The following SDHB variants were observed in gnomAD, a reference collection of about 807,000 sequenced individuals.
SDHB encodes the protein succinate dehydrogenase complex iron sulfur subunit B.
In SDHB, 21 loss-of-function variants were observed where a neutral mutation model predicts 39.7. The observed-to-expected ratio is 0.53, with a 90% CI of 0.37 to 0.76. The LOEUF (loss-of-function observed/expected upper bound fraction) is 0.76. Among genes scored for constraint, SDHB ranks in the 30% least tolerant of loss-of-function variants. The pLI is 0.00. For missense variants in SDHB, 343 were observed against 350.9 expected (o/e 0.98, Z 0.18); for synonymous variants, 118 against 117.0 (o/e 1.01, Z -0.06).
At chr1:17,025,002 G>A (rs2077984015) in intron 5 of SDHB, among the ~76,000 whole-genome samples, 1 of 152,150 alleles carries the variant, frequency 6.6e-6, no homozygotes, top group Non-Finnish European at 1.5e-5. Context: ...TAAGGTCACA[G>A]GATTAAGAGC....
rs201155896 is a variant in SDHB, at chr1:17,018,779, T to C, written c.*102A>G. ...TATTTCTTAAAATTTTTATTATACA[T>C]GCTGTATTCATGGAAAACCAAGATC... is the stretch of plus-strand genomic sequence containing the variant. On this transcript the variant is annotated 3_prime_UTR_variant, in exon 8 of 8. Coordinates refer to ENST00000375499, the MANE Select transcript of SDHB (RefSeq NM_003000.3). The C allele has an allele frequency of 1.9e-4, 150 of 792,724 alleles. No homozygotes were observed. The highest frequency in any genetic ancestry group is 3.1e-4 in the Non-Finnish European group (138 of 450,164). 49.1% of individuals were successfully genotyped at this position (792,724 alleles called of 1,614,324 possible).
At chr1:17,048,286 G>A (rs1052655085) in intron 1 of SDHB, among the ~76,000 whole-genome samples, 10 of 152,096 alleles carry the variant, frequency 6.6e-5, no homozygotes, top group African/African-American at 2.4e-4. Context: ...CGAATTCTCC[G>A]GAGATTCATC....
intron 2 of SDHB, among the ~76,000 whole-genome samples, chr1:17,036,253 T>C (rs868566110): frequency 7.9e-5 from 12 of 152,306 alleles, no homozygotes; most frequent in South Asian, 2.1e-4. Context: ...CATTTATTTA[T>C]GTCTTCTTAA....
At chr1:17,037,951 A>C (rs1172344744) in intron 2 of SDHB, among the ~76,000 whole-genome samples, 1 of 152,144 alleles carries the variant, frequency 6.6e-6, no homozygotes, top group Non-Finnish European at 1.5e-5. Flanking sequence ...AGCCTGACCA[A>C]CACGCAGAAA....
intron 3 of SDHB, among the ~76,000 whole-genome samples, chr1:17,030,389 G>A (rs950261386): frequency 1.3e-5 from 2 of 152,000 alleles, no homozygotes; most frequent in Non-Finnish European, 2.9e-5. Flanking sequence ...GTACCCTGGG[G>A]CTATGAAATC....
intron 3 of SDHB, among the ~76,000 whole-genome samples, chr1:17,030,572 A>G (rs1302410469): frequency 6.6e-6 from 1 of 152,176 alleles, no homozygotes; most frequent in East Asian, 1.9e-4. Context: ...GGTGTTTTGG[A>G]ATTTAAAAAT....
chr1:17,019,718 G>C (rs2077950346), intron 7 of SDHB, among the ~76,000 whole-genome samples: 1 of 152,042 alleles, frequency 6.6e-6, no homozygotes, highest in African/African-American at 2.4e-5. Flanking sequence ...AGAAAGAAAA[G>C]AGATCTTGAG....
intron 1 of SDHB, among the ~76,000 whole-genome samples, chr1:17,052,012 T>TTTTA (rs3036955): frequency 0.68 from 102,476 of 150,322 alleles, 35,337 homozygotes; most frequent in Middle Eastern, 0.73. Flanking sequence ...CAGCTAATTT[T>TTTTA]TTTTTTATTT....
At chr1:17,022,852 C>A in intron 6 of SDHB, 122 bp from the exon 7 acceptor site, 1 of 1,200,092 alleles carries the variant, frequency 8.3e-7, no homozygotes, top group Non-Finnish European at 1.2e-6. Context: ...TGCCTCATCT[C>A]CATACTCTTT....
chr1:17,044,655 C>T, intron 2 of SDHB, 106 bp downstream of exon 2: 1 of 1,328,876 alleles, frequency 7.5e-7, no homozygotes, highest in Non-Finnish European at 1.1e-6. Context: ...AAAACAGAGC[C>T]ATCGGATGAT....
At position 17,023,977 on chromosome 1, in the gene SDHB, A is replaced by G. The variant is rs202014362; in HGVS notation, c.638T>C (p.Met213Thr). The G allele has an allele frequency of 3.1e-6, 5 of 1,611,712 alleles. No individual in the cohort carries two copies. The highest frequency in any genetic ancestry group is 4.5e-5 in the East Asian group (2 of 44,886). ...AGCAATTAAGGAGCACCTCACCTGC[A>G]TAAGAACTGCAGGCCCCAGATATTT... is the stretch of plus-strand genomic sequence containing the variant. Reference protein sequence around the residue: ...GDKYLGPAVLMQAYRWMIDSR... With the variant: ...GDKYLGPAVLTQAYRWMIDSR... Residue 213 changes from methionine (M) to threonine (T), a missense_variant, in exon 6 of 8, where the codon ATG (methionine) becomes ACG (threonine). By Grantham distance (81) the Met-to-Thr change is moderately conservative (BLOSUM62 -1). Coordinates refer to ENST00000375499, the MANE Select transcript of SDHB (RefSeq NM_003000.3).
intron 1 of SDHB, among the ~76,000 whole-genome samples, chr1:17,046,215 C>A (rs531505489): frequency 4.7e-4 from 72 of 152,298 alleles, no homozygotes; most frequent in African/African-American, 1.7e-3. Flanking sequence ...AAAGCCATTT[C>A]TACAAATGTT....
intron 2 of SDHB, among the ~76,000 whole-genome samples, chr1:17,044,245 T>C (rs557141404): frequency 6.6e-6 from 1 of 152,310 alleles, no homozygotes; most frequent in African/African-American, 2.4e-5. Context: ...AAGTTAATTA[T>C]ACCAGTATTT....
intron 7 of SDHB, 101 bp from the exon 8 acceptor site, chr1:17,019,059 C>T (rs955820178): frequency 2.4e-5 from 22 of 906,006 alleles, no homozygotes; most frequent in Non-Finnish European, 4.0e-5. Flanking sequence ...GTTCAGTGTC[C>T]AAGCAAGGTG....
chr1:17,028,627 G>A lies in SDHB; in HGVS notation c.396C>T (p.His132=). The change falls in exon 4 of 8, where the codon CAC becomes CAT. Residue 132 remains histidine, a synonymous_variant. Coordinates refer to ENST00000375499, the MANE Select transcript of SDHB (RefSeq NM_003000.3). ...NKVSKIYPLP[H]MYVIKDLVPD... ...GAACAAGATCCTTTATCACATACAT[G>A]TGTGGAAGAGGGTAGATTTTTGAGA... 6.2e-7 allele frequency: 1 copy of A among 1,614,188 alleles called. No individual in the cohort carries two copies. Among genetic ancestry groups the A allele is most frequent in the Non-Finnish European group, 8.5e-7 (1 of 1,180,014 alleles).
At chr1:17,026,663 G>A (rs893990783) in intron 5 of SDHB, among the ~76,000 whole-genome samples, 3 of 152,050 alleles carry the variant, frequency 2.0e-5, no homozygotes, top group African/African-American at 4.8e-5. Context: ...GCACCTGGCC[G>A]GACTCCCCTT....
At chr1:17,040,905 G>GA (rs2078076574) in intron 2 of SDHB, among the ~76,000 whole-genome samples, 1 of 152,176 alleles carries the variant, frequency 6.6e-6, no homozygotes, top group Admixed American at 6.5e-5. Context: ...CGAGGCGGGT[G>GA]AATCACTTGA....
intron 1 of SDHB, among the ~76,000 whole-genome samples, chr1:17,053,000 T>G (rs1323047587): frequency 6.6e-6 from 1 of 151,980 alleles, no homozygotes; most frequent in African/African-American, 2.4e-5. Context: ...TTTTCAAAGC[T>G]CCAAAAAGGA....
chr1:17,025,414 T>A (rs1380745913), intron 5 of SDHB, among the ~76,000 whole-genome samples: 1 of 149,816 alleles, frequency 6.7e-6, no homozygotes, highest in East Asian at 1.9e-4. Flanking sequence ...TAAATTCTTT[T>A]TTTTTTTTTT....
Sources: allele counts gnomAD v4.1 joint callset (sites outside exome capture counted in the v4.1 genomes callset), GRCh38; gene constraint gnomAD v4.1.1; transcripts MANE v1.5; gene names NCBI Gene and HGNC (gene_info 2026-07-23, HGNC 2026-07-21).